The following LY9 variants were observed in gnomAD, a reference collection of about 807,000 sequenced individuals.
LY9 encodes lymphocyte antigen 9.
A neutral mutation model predicts 64.6 loss-of-function variants in LY9; 59 were observed. The observed-to-expected ratio is 0.91, with a 90% CI of 0.74 to 1.13. The LOEUF is 1.13. LY9 is among the 50% of genes most tolerant of loss of function. LY9 has a pLI of 0.00. For missense variants in LY9, 789 were observed against 797.2 expected (o/e 0.99, Z 0.12); for synonymous variants, 281 against 308.5 (o/e 0.91, Z 0.93).
rs1668705789 is a variant in LY9, at chr1:160,824,174, G to A, written c.1831-7G>A. 1.9e-6 allele frequency: 3 copies of A among 1,614,002 alleles called. No homozygotes were observed. The highest frequency in any genetic ancestry group is 2.5e-6 in the Non-Finnish European group (3 of 1,180,006). The stretch of plus-strand genomic sequence containing the variant: ...ACTAGGGCTCATCTGCTGTTGGTGT[G>A]TTACAGGGAAAGACCCCAGTTTCTC... On this transcript the variant is annotated splice_region_variant and splice_polypyrimidine_tract_variant and intron_variant, in intron 8 of 9. Transcript: ENST00000263285.
intron 2 of LY9, chr1:160,802,365 C>T: frequency 4.0e-6 from 4 of 988,048 alleles, no homozygotes; most frequent in South Asian, 4.6e-5. Flanking sequence ...CTGGCTGCGG[C>T]CCCCTCTCAG....
At chr1:160,805,739 TCTCACA>T (rs1372313162) in intron 2 of LY9, among the ~76,000 whole-genome samples, 79 of 111,950 alleles carry the variant, frequency 7.1e-4, no homozygotes, top group African/African-American at 2.7e-3. Context: ...TCTCTCTCTG[TCTCACA>T]CACACACACA....
rs1260537290 is a variant in LY9 at position 160,824,623 on chromosome 1, TAAC to T, written c.1899+380_1899+382del. The T allele has an allele frequency of 8.1e-6, 8 of 983,048 alleles. 1 individual carries two copies. In the South Asian group the frequency reaches 3.3e-4, roughly 41 times the overall value. 60.9% of individuals were successfully genotyped at this position (983,048 alleles called of 1,614,324 possible). On this transcript the variant is annotated intron_variant, in intron 9 of 9. Coordinates refer to ENST00000263285, the MANE Select transcript of LY9 (RefSeq NM_002348.4). ...AACCATTGAAAATTAGCTAACAATT[TAAC>T]AACAAGAATTTTTGGAAAATACACC...
intron 1 of LY9, 38 bp downstream of exon 1, chr1:160,796,349 G>A (rs578165702): frequency 1.3e-5 from 20 of 1,594,380 alleles, no homozygotes; most frequent in Admixed American, 5.3e-5. Context: ...TTGCTACTGC[G>A]GTTCTTCTGA....
At position 160,816,759 on chromosome 1, in the gene LY9, A is replaced by G. The variant is rs141800928; in HGVS notation, c.1238A>G (p.Asn413Ser). 4,832 of 1,614,190 alleles carry G rather than the reference A, an allele frequency of 3.0e-3. 98 individuals are homozygous for G. The South Asian group carries it at 0.035, about 12-fold the overall frequency. ...AVVSQGESHLNVSWRSSENHP... is the reference protein window; with the variant it reads ...AVVSQGESHLSVSWRSSENHP... The stretch of plus-strand genomic sequence containing the variant: ...GTGTCCCAAGGGGAATCACACCTCA[A>G]TGTCTCATGGAGAAGCAGTGAAAAT... The change falls in exon 5 of 10, where the codon AAT (asparagine) becomes AGT (serine). Residue 413 changes from asparagine to serine, a missense_variant. Asn to Ser is a conservative substitution (Grantham distance 46, BLOSUM62 1). Transcript: ENST00000263285.
chr1:160,821,684 G>A (rs1204914637), intron 7 of LY9, among the ~76,000 whole-genome samples: 2 of 152,176 alleles, frequency 1.3e-5, no homozygotes, highest in Non-Finnish European at 2.9e-5. Flanking sequence ...TCAAGTGTAT[G>A]GGTTCTGAGG....
At chr1:160,808,528 T>C (rs1667195131) in intron 2 of LY9, among the ~76,000 whole-genome samples, 1 of 151,950 alleles carries the variant, frequency 6.6e-6, no homozygotes, top group South Asian at 2.1e-4. Flanking sequence ...GTCAAAGGGG[T>C]CTCATGTGGC....
chr1:160,799,421 G>A, intron 1 of LY9: 1 of 206,212 alleles, frequency 4.8e-6, no homozygotes, highest in East Asian at 1.2e-4. Flanking sequence ...TGAAGAAAAT[G>A]GTGCAGGTAT....
chr1:160,797,061 C>T (rs569700674), intron 1 of LY9: 4 of 965,362 alleles, frequency 4.1e-6, no homozygotes, highest in African/African-American at 3.5e-5. Flanking sequence ...GGCAAGGTGG[C>T]GTTTATCTGG....
At chr1:160,818,842 A>C (rs919166920) in intron 6 of LY9, among the ~76,000 whole-genome samples, 1 of 152,128 alleles carries the variant, frequency 6.6e-6, no homozygotes, top group Non-Finnish European at 1.5e-5. Flanking sequence ...CTCCAATTTA[A>C]AGAATGTCAG....
At position 160,818,255 on chromosome 1, in the gene LY9, C is replaced by T. The variant is rs1668107982; in HGVS notation, c.1380C>T (p.Phe460=). 6.2e-7 allele frequency: 1 copy of T among 1,613,924 alleles called. No individual in the cohort carries two copies. The highest frequency in any genetic ancestry group is 8.5e-7 in the Non-Finnish European group (1 of 1,179,972). ...ERNTKLWIGL[F]LMVCLLCVGI... is the part of the protein sequence containing the mutation. ...ACACAAAGCTTTGGATTGGGTTGTT[C>T]CTGATGGTTTGCCTTCTGTGCGTTG... The change falls in exon 6 of 10, where the codon TTC becomes TTT. Residue 460 remains phenylalanine, a synonymous_variant. Transcript: ENST00000263285.
chr1:160,814,522 A>G lies in LY9; in HGVS notation c.833A>G (p.Glu278Gly), dbSNP rs1056685891. The stretch of plus-strand genomic sequence containing the variant: ...GCACTCCCAGCCTGCCGGGACACAG[A>G]GAAGGTTGTCTGGTTGTTTAACACA... ...PLALPACRDTEKVVWLFNTSI... is the reference protein window; with the variant it reads ...PLALPACRDTGKVVWLFNTSI... The change falls in exon 4 of 10, where the codon GAG becomes GGG. Residue 278 changes from glutamate to glycine, a missense_variant. By Grantham distance (98) the Glu-to-Gly change is moderately conservative. Coordinates refer to ENST00000263285, the MANE Select transcript of LY9 (RefSeq NM_002348.4). The G allele has an allele frequency of 1.2e-6, 2 of 1,614,176 alleles. No homozygotes were observed. The highest frequency in any genetic ancestry group is 1.7e-6 in the Non-Finnish European group (2 of 1,180,018).
chr1:160,802,268 A>G (rs1666568348), intron 2 of LY9: 8 of 1,019,678 alleles, frequency 7.8e-6, no homozygotes, highest in African/African-American at 3.4e-5. Flanking sequence ...TCCACCCTGC[A>G]AAGACTCCTC....
chr1:160,821,974 C>G (rs1452706540), intron 7 of LY9, among the ~76,000 whole-genome samples: 1 of 152,192 alleles, frequency 6.6e-6, no homozygotes, highest in Non-Finnish European at 1.5e-5. Context: ...TAGTTATTGT[C>G]TATGCTTCAT....
At chr1:160,812,642 G>A (rs1667598953) in intron 2 of LY9, 1 of 152,170 alleles carries the variant, frequency 6.6e-6, no homozygotes, top group Non-Finnish European at 1.5e-5. Flanking sequence ...CCTCTGGAAA[G>A]ATCAACAAGA....
intron 4 of LY9, chr1:160,815,038 G>A (rs1667836686): frequency 6.5e-6 from 3 of 458,376 alleles, no homozygotes; most frequent in Admixed American, 3.4e-5. Flanking sequence ...CTTCTGCACT[G>A]AGTGTCAGAA....
intron 2 of LY9, among the ~76,000 whole-genome samples, chr1:160,805,919 C>CTTTTTTTTTGTT (rs1666948619): frequency 1.4e-5 from 1 of 72,458 alleles, no homozygotes; most frequent in African/African-American, 5.6e-5. Flanking sequence ...CATTCTTTGT[C>CTTTTTTTTTGTT]TTTTTTTTTT....
intron 8 of LY9, 109 bp from the exon 9 acceptor site, chr1:160,824,072 G>T: frequency 7.3e-7 from 1 of 1,369,310 alleles, no homozygotes. Flanking sequence ...CTCCCACCCT[G>T]TGTGTGAGAT....
intron 9 of LY9, among the ~76,000 whole-genome samples, chr1:160,825,893 A>G (rs1668827371): frequency 6.9e-6 from 1 of 145,334 alleles, no homozygotes; most frequent in Non-Finnish European, 1.5e-5. Flanking sequence ...CTGGGCAACA[A>G]GAGCAAAACT....
Sources: allele counts gnomAD v4.1 joint callset (sites outside exome capture counted in the v4.1 genomes callset), GRCh38; gene constraint gnomAD v4.1.1; transcripts MANE v1.5; gene names NCBI Gene and HGNC (gene_info 2026-07-23, HGNC 2026-07-21).